The following ZEB1 variants were observed in gnomAD, a reference collection of about 807,000 sequenced individuals.
ZEB1 encodes zinc finger E-box binding homeobox 1.
In ZEB1, 21 loss-of-function variants were observed where a neutral mutation model predicts 84.9. The observed-to-expected ratio is 0.25, with a 90% CI of 0.18 to 0.36. The LOEUF is 0.36. Ranked by LOEUF, ZEB1 falls within the 10% of genes least tolerant of loss-of-function variation. The pLI is 1.00. For missense variants in ZEB1, 1,104 were observed against 1,330.2 expected, an observed-to-expected ratio of 0.83 and a Z score of 2.65; for synonymous variants, 420 against 471.1, an observed-to-expected ratio of 0.89 and a Z score of 1.41.
chr10:31,319,689 G>A, intron 1 of ZEB1: 2 of 190,792 alleles, frequency 1.0e-5, no homozygotes, highest in South Asian at 2.3e-4. Flanking sequence ...CCACTCTTGT[G>A]CCCTTCGGCG....
chr10:31,362,698 G>GAGGC (rs2043510628), intron 1 of ZEB1: 1 of 467,860 alleles, frequency 2.1e-6, no homozygotes, highest in East Asian at 4.5e-5. Context: ...CAGCAGGGCA[G>GAGGC]AGGCGCTCCT....
At chr10:31,511,032 G>A (rs950699257) in intron 5 of ZEB1, among the ~76,000 whole-genome samples, 157 bp downstream of exon 5, 6 of 152,184 alleles carry the variant, frequency 3.9e-5, no homozygotes, top group African/African-American at 1.4e-4. Flanking sequence ...ATTTATTTGA[G>A]TTATCTGGTC....
intron 1 of ZEB1, among the ~76,000 whole-genome samples, chr10:31,412,028 A>G (rs2054389864): frequency 6.6e-6 from 1 of 152,160 alleles, no homozygotes; most frequent in African/African-American, 2.4e-5. Flanking sequence ...ATAGACTAAA[A>G]CATTTTTTCA....
chr10:31,343,185 G>A (rs2039704832), intron 1 of ZEB1, among the ~76,000 whole-genome samples: 1 of 151,950 alleles, frequency 6.6e-6, no homozygotes, highest in Admixed American at 6.6e-5. Context: ...AGCTTTCTAT[G>A]TTATATTGTG....
intron 1 of ZEB1, among the ~76,000 whole-genome samples, chr10:31,394,989 G>T (rs1190053489): frequency 1.3e-5 from 2 of 152,180 alleles, no homozygotes; most frequent in Non-Finnish European, 2.9e-5. Flanking sequence ...TTGGGCAGGG[G>T]TTAATGGCAG....
At chr10:31,408,489 A>C (rs2053578452) in intron 1 of ZEB1, among the ~76,000 whole-genome samples, 7 of 150,678 alleles carry the variant, frequency 4.6e-5, no homozygotes, top group African/African-American at 2.5e-5. Flanking sequence ...ACCTGACTTC[A>C]AACTATACTA....
At chr10:31,375,832 A>T (rs898478310) in intron 1 of ZEB1, among the ~76,000 whole-genome samples, 1 of 151,782 alleles carries the variant, frequency 6.6e-6, no homozygotes, top group Non-Finnish European at 1.5e-5. Context: ...TCAATATGAG[A>T]AAGAACCTTT....
intron 1 of ZEB1, among the ~76,000 whole-genome samples, chr10:31,326,401 T>A (rs1161328586): frequency 6.6e-6 from 1 of 152,192 alleles, no homozygotes; most frequent in East Asian, 1.9e-4. Context: ...TTTGATACAC[T>A]TGGCTTTTGC....
chr10:31,495,979 A>T (rs923822824), intron 3 of ZEB1, 141 bp downstream of exon 3: 7 of 854,174 alleles, frequency 8.2e-6, no homozygotes, highest in Admixed American at 3.9e-5. Context: ...GTACTTAGGC[A>T]TATGGTGCAC....
chr10:31,330,278 A>C (rs2036471508), intron 1 of ZEB1, among the ~76,000 whole-genome samples: 2 of 152,280 alleles, frequency 1.3e-5, no homozygotes, highest in South Asian at 4.2e-4. Context: ...CTAATACCCA[A>C]AGCTCAGGAT....
At position 31,331,081 on chromosome 10, in the gene ZEB1, C is replaced by CTTTTTTTTTTTTT. The variant is rs548615284; in HGVS notation, c.58+11803_58+11815dup. Among the ~76,000 whole-genome samples the CTTTTTTTTTTTTT allele has an allele frequency of 2.3e-4, 18 of 77,846 alleles. 1 individual carries two copies. Among genetic ancestry groups the CTTTTTTTTTTTTT allele is most frequent in the African/African-American group, 5.7e-4 (10 of 17,530 alleles). The allele number at this position is 77,846 out of a possible 152,430, so 51.1% of individuals were successfully genotyped here. ...ATTTTCTTTTCTTTTTTCTTTCTTT[C>CTTTTTTTTTTTTT]TTTTTTTTTTTTTTTTTTTTTTTTT... On this transcript the variant is annotated intron_variant, in intron 1 of 8. Coordinates refer to ENST00000424869, the MANE Select transcript of ZEB1 (RefSeq NM_001174096.2).
intron 1 of ZEB1, among the ~76,000 whole-genome samples, chr10:31,424,761 T>A (rs904599236): frequency 1.3e-5 from 2 of 152,040 alleles, no homozygotes; most frequent in Non-Finnish European, 2.9e-5. Flanking sequence ...ATTTCTGTTT[T>A]GACATGTGGT....
chr10:31,361,337 C>A (rs2043029666), intron 1 of ZEB1: 7 of 881,958 alleles, frequency 7.9e-6, no homozygotes, highest in Non-Finnish European at 1.3e-5. Flanking sequence ...GGACTACAGG[C>A]ACAAGCCACC....
rs972240559 is a variant in ZEB1, at chr10:31,513,358, C to T, written c.688-1245C>T. ...TCACAGAGATAGGAAATACTAAAGA[C>T]GGAGCTGGCTTGCAGGAGGGAAATT... On this transcript the variant is annotated intron_variant, in intron 5 of 8. Transcript: ENST00000424869. Among the ~76,000 whole-genome samples, 5 of 152,066 alleles carry T rather than the reference C, an allele frequency of 3.3e-5. 1 individual carries two copies. Among genetic ancestry groups the T allele is most frequent in the Admixed American group, 2.6e-4 (4 of 15,250 alleles).
At chr10:31,427,751 C>T (rs988988424) in intron 1 of ZEB1, among the ~76,000 whole-genome samples, 7 of 151,502 alleles carry the variant, frequency 4.6e-5, no homozygotes, top group Admixed American at 6.6e-5. Flanking sequence ...CCCAGCTACT[C>T]GAGAGGCTGA....
intron 4 of ZEB1, among the ~76,000 whole-genome samples, chr10:31,508,387 C>T (rs1367309590): frequency 2.6e-5 from 4 of 152,098 alleles, no homozygotes; most frequent in Non-Finnish European, 5.9e-5. Flanking sequence ...GCAGGACACC[C>T]TCTGGTTCCC....
chr10:31,444,686 C>A (rs2059526525), intron 1 of ZEB1, among the ~76,000 whole-genome samples: 1 of 152,066 alleles, frequency 6.6e-6, no homozygotes, highest in Non-Finnish European at 1.5e-5. Flanking sequence ...TTCCCCATTG[C>A]TTGTTTTTCT....
chr10:31,434,791 G>T (rs1415044904), intron 1 of ZEB1, among the ~76,000 whole-genome samples: 1 of 152,152 alleles, frequency 6.6e-6, no homozygotes, highest in African/African-American at 2.4e-5. Context: ...CAAGAGTCAG[G>T]AAAGGTCAAG....
At chr10:31,471,190 C>G (rs1014668445) in intron 2 of ZEB1, among the ~76,000 whole-genome samples, 7 of 121,512 alleles carry the variant, frequency 5.8e-5, no homozygotes, top group Admixed American at 5.0e-4. Context: ...ATCATAATGA[C>G]AGGATCAAAT....
Sources: allele counts gnomAD v4.1 joint callset (sites outside exome capture counted in the v4.1 genomes callset), GRCh38; gene constraint gnomAD v4.1.1; transcripts MANE v1.5; gene names NCBI Gene and HGNC (gene_info 2026-07-23, HGNC 2026-07-21).